SEMA3F: variants seen among roughly 807,000 people sequenced by gnomAD.
SEMA3F encodes semaphorin 3F.
A neutral mutation model predicts 98.5 loss-of-function variants in SEMA3F; 30 were observed. The observed-to-expected ratio is 0.30, with a 90% CI of 0.23 to 0.41. The LOEUF is 0.41. SEMA3F is among the 10% of genes least tolerant of loss of function. The probability of loss-of-function intolerance (pLI) is 1.00; values close to 1 mark genes in which losing one functional copy is unlikely to be tolerated. For synonymous variants in SEMA3F, 380 were observed against 444.8 expected, an observed-to-expected ratio of 0.85 and a Z score of 1.83; for missense variants, 866 against 1,119.3, an observed-to-expected ratio of 0.77 and a Z score of 3.23.
At position 50,177,741 on chromosome 3, in the gene SEMA3F, G is replaced by A. The variant is rs556042359; in HGVS notation, c.643+880G>A. Among the ~76,000 whole-genome samples the A allele has an allele frequency of 7.2e-5, 11 of 152,292 alleles. No individual in the cohort carries two copies. The South Asian group carries it at 2.1e-3, about 29-fold the overall frequency. On this transcript the variant is annotated intron_variant, in intron 7 of 18. Coordinates refer to ENST00000002829, the MANE Select transcript of SEMA3F (RefSeq NM_004186.5). ...AAGACAACTATTATTAAAAGTTAAGGCCAGGCTCAGTGGCTCACACCTATA... is the reference window on the plus strand; with the variant it reads ...AAGACAACTATTATTAAAAGTTAAGACCAGGCTCAGTGGCTCACACCTATA...
At chr3:50,161,759 A>G (rs1698216893) in intron 2 of SEMA3F, among the ~76,000 whole-genome samples, 1 of 152,226 alleles carries the variant, frequency 6.6e-6, no homozygotes, top group African/African-American at 2.4e-5. Flanking sequence ...GCTGGTGGAA[A>G]AAGCAATGGA....
chr3:50,184,299 T>C (rs1218924809), intron 12 of SEMA3F: 3 of 459,936 alleles, frequency 6.5e-6, no homozygotes, highest in African/African-American at 4.0e-5. Flanking sequence ...AGGAAGGAGA[T>C]GACAGGGGTG....
Position 50,183,582 on chromosome 3 carries a change from C to T in SEMA3F, c.1233+18C>T. The stretch of plus-strand genomic sequence containing the variant: ...CGGGCACGGTAAGGACCCCACTCAT[C>T]CTGCCTCTCCCCTTTCTCTTCTTCT... On this transcript the variant is annotated intron_variant, in intron 12 of 18. Transcript: ENST00000002829. 6.2e-7 allele frequency: 1 copy of T among 1,611,864 alleles called. No homozygotes were observed. Among genetic ancestry groups the T allele is most frequent in the Admixed American group, 1.7e-5 (1 of 59,782 alleles).
At position 50,156,630 on chromosome 3, in the gene SEMA3F, C is replaced by T. The variant is rs1251419026; in HGVS notation, c.-49+1066C>T. ...AGGGAGTTGGATGGAGCTGAGGCCT[C>T]TTCCCAGGCTACCCAAGGGGTGTGC... On this transcript the variant is annotated intron_variant, in intron 1 of 18. Coordinates refer to ENST00000002829, the MANE Select transcript of SEMA3F (RefSeq NM_004186.5). This position sits in a 1 kb window ranked among gnomAD's most constrained non-coding sequence, Gnocchi z 4.5. Among the ~76,000 whole-genome samples, 1 of 152,210 alleles carries T rather than the reference C, an allele frequency of 6.6e-6. No homozygotes were observed. Among genetic ancestry groups the T allele is most frequent in the East Asian group, 1.9e-4 (1 of 5,194 alleles).
chr3:50,188,174 G>GAT lies in SEMA3F; in HGVS notation c.*83_*84dup, dbSNP rs59949761. On this transcript the variant is annotated 3_prime_UTR_variant, in exon 19 of 19. Transcript: ENST00000002829. This position sits in a 1 kb window ranked among gnomAD's most constrained non-coding sequence, Gnocchi z 4.5. ...AGCCCTTGTCCCTTTTAATATAAAAGATATATATATATATATATATATATA... is the reference window on the plus strand; with the variant it reads ...AGCCCTTGTCCCTTTTAATATAAAAGATATATATATATATATATATATATATA... The GAT allele has an allele frequency of 0.38, 112,754 of 296,494 alleles. 15,413 individuals carry two copies. Among genetic ancestry groups the GAT allele is most frequent in the South Asian group, 0.46 (3,454 of 7,574 alleles). 18.4% of individuals were successfully genotyped at this position (296,494 alleles called of 1,614,324 possible). A position where few individuals can be genotyped will look rare whatever the true frequency, so the allele number is the denominator to read the frequency against.
chr3:50,180,292 T>C (rs1352433629), intron 7 of SEMA3F, among the ~76,000 whole-genome samples: 1 of 152,002 alleles, frequency 6.6e-6, no homozygotes, highest in Non-Finnish European at 1.5e-5. Context: ...GCCTCCCAAG[T>C]AGCTGGGATC....
chr3:50,155,365 G>A lies in SEMA3F; in HGVS notation c.-248G>A. 1 of 292,358 alleles carries A rather than the reference G, an allele frequency of 3.4e-6. No homozygotes were observed. The highest frequency in any genetic ancestry group is 1.5e-4 in the South Asian group (1 of 6,794). 18.1% of individuals were successfully genotyped at this position (292,358 alleles called of 1,614,324 possible). Reference sequence around the variant, plus strand: ...TCCCATGGCCCGGGCTGGGGCCCGGGCCCTCGGCTGCTGACGCGCCCGAAG... The same window carrying A: ...TCCCATGGCCCGGGCTGGGGCCCGGACCCTCGGCTGCTGACGCGCCCGAAG... On this transcript the variant is annotated 5_prime_UTR_variant, in exon 1 of 19. Transcript: ENST00000002829. This position sits in a 1 kb window ranked among gnomAD's most constrained non-coding sequence, Gnocchi z 4.9.
chr3:50,173,484 A>G, intron 2 of SEMA3F: 1 of 338,548 alleles, frequency 3.0e-6, no homozygotes. Context: ...AAAACAAACA[A>G]ACAAAAAATA....
upstream of SEMA3F, chr3:50,155,099 G>A (rs764792471): frequency 5.6e-5 from 23 of 410,976 alleles, no homozygotes; most frequent in Non-Finnish European, 9.4e-5. This position sits in a 1 kb window ranked among gnomAD's most constrained non-coding sequence, Gnocchi z 4.9. Context: ...CAGAGCGAGC[G>A]AACGAACCGC....
intron 2 of SEMA3F, among the ~76,000 whole-genome samples, chr3:50,170,834 C>T (rs1166840591): frequency 1.3e-5 from 2 of 152,136 alleles, no homozygotes; most frequent in African/African-American, 2.4e-5. Flanking sequence ...CAAAGCGTCA[C>T]GTCCTGTGAC....
chr3:50,155,132 G>T (rs1292559070), upstream of SEMA3F: 2 of 413,452 alleles, frequency 4.8e-6, no homozygotes, highest in Non-Finnish European at 8.9e-6. The surrounding 1 kb of genome is among the most constrained non-coding windows in gnomAD (Gnocchi z 4.9). Flanking sequence ...AGCCCCGAGC[G>T]CAGCGCAGGA....
Position 50,183,451 on chromosome 3 carries a change from T to C in SEMA3F, c.1120T>C (p.Tyr374His). 1 of 1,614,130 alleles carries C rather than the reference T, an allele frequency of 6.2e-7. No individual in the cohort carries two copies. The highest frequency in any genetic ancestry group is 8.5e-7 in the Non-Finnish European group (1 of 1,180,020). The change falls in exon 12 of 19, where the codon TAC (tyrosine) becomes CAC (histidine). Residue 374 changes from tyrosine to histidine, a missense_variant. Coordinates refer to ENST00000002829, the MANE Select transcript of SEMA3F (RefSeq NM_004186.5). Reference sequence around the variant, plus strand: ...GTTCCGAGGCTCTGCCGTGTGTGTCTACTCCATGGCTGATATTCGCATGGT... The same window carrying C: ...GTTCCGAGGCTCTGCCGTGTGTGTCCACTCCATGGCTGATATTCGCATGGT... ...SVFRGSAVCVYSMADIRMVFN... is the reference protein window; with the variant it reads ...SVFRGSAVCVHSMADIRMVFN...
chr3:50,163,780 G>A (rs1698305515), intron 2 of SEMA3F, among the ~76,000 whole-genome samples: 1 of 152,208 alleles, frequency 6.6e-6, no homozygotes, highest in Non-Finnish European at 1.5e-5. Flanking sequence ...CAGGGAGCTG[G>A]GCAAGGGTCA....
In SEMA3F at chr3:50,184,729, A is replaced by G. The variant is rs764884508; in HGVS notation, c.1371A>G (p.Thr457=). 9.9e-6 allele frequency: 16 copies of G among 1,614,126 alleles called. No individual in the cohort carries two copies. The East Asian group carries it at 3.6e-4, about 36-fold the overall frequency. ...AGCGGCGGCCCCTGGTAGTCCGCAC[A>G]GGTGCTCCCTACCGCCTTACCACTA... The part of the protein sequence containing the change: ...PLQRRPLVVR[T]GAPYRLTTIA... Residue 457 remains threonine, a synonymous_variant, in exon 13 of 19, where the codon ACA becomes ACG. Transcript: ENST00000002829.
intron 2 of SEMA3F, among the ~76,000 whole-genome samples, chr3:50,171,766 G>A (rs1265339204): frequency 1.3e-5 from 2 of 152,256 alleles, no homozygotes; most frequent in East Asian, 3.9e-4. Flanking sequence ...AACAGGTGCG[G>A]GACAGGTGCC....
intron 12 of SEMA3F, 106 bp downstream of exon 12, chr3:50,183,670 C>A: frequency 7.9e-7 from 1 of 1,259,584 alleles, no homozygotes; most frequent in Non-Finnish European, 1.1e-6. Context: ...TCCCAGCCAG[C>A]GGAGGCGGTG....
chr3:50,174,232 G>T lies in SEMA3F; in HGVS notation c.338G>T (p.Gly113Val), dbSNP rs199591994. 109 of 1,613,764 alleles carry T rather than the reference G, an allele frequency of 6.8e-5. No individual in the cohort carries two copies. The East Asian group carries it at 2.4e-3, about 35-fold the overall frequency. The change falls in exon 5 of 19, where the codon GGC (glycine) becomes GTC (valine). Residue 113 changes from glycine (G) to valine (V), a missense_variant and splice_region_variant. By Grantham distance (109) the Gly-to-Val change is moderately radical. Coordinates refer to ENST00000002829, the MANE Select transcript of SEMA3F (RefSeq NM_004186.5). ...ATGCAGCCTTCCCTGTGGCCCCAGG[G>T]CGAGTGTGGGAACTTCGTCAGGCTC... Reference protein sequence around the residue: ...ECVLSGKDVNGECGNFVRLIQ... With the variant: ...ECVLSGKDVNVECGNFVRLIQ...
chr3:50,186,762 C>T lies in SEMA3F; in HGVS notation c.1947+16C>T, dbSNP rs759839854. On this transcript the variant is annotated intron_variant, in intron 18 of 18. Transcript: ENST00000002829. ...GCGCCGAGAGGTGAGTTCCTGCGCC[C>T]GGTGCTGCACCGTGGATGTGAGTCC... The T allele has an allele frequency of 1.7e-5, 27 of 1,577,776 alleles. No individual in the cohort carries two copies. Among genetic ancestry groups the T allele is most frequent in the Admixed American group, 3.5e-5 (2 of 57,008 alleles).
chr3:50,165,533 G>T (rs532005489), intron 2 of SEMA3F, among the ~76,000 whole-genome samples: 14 of 152,322 alleles, frequency 9.2e-5, no homozygotes, highest in African/African-American at 2.9e-4. Context: ...ACCAGACCTG[G>T]GCTGCTCACT....
Sources: allele counts gnomAD v4.1 joint callset (sites outside exome capture counted in the v4.1 genomes callset), GRCh38; gene constraint gnomAD v4.1.1; non-coding constraint Gnocchi (gnomAD v3.1); transcripts MANE v1.5; gene names NCBI Gene and HGNC (gene_info 2026-07-23, HGNC 2026-07-21).